The following ABCC11 variants were observed in gnomAD, a reference collection of about 807,000 sequenced individuals.
ABCC11 encodes the protein ATP-binding cassette sub-family C member 11.
In ABCC11, 135 loss-of-function variants were observed where a neutral mutation model predicts 149.3. The observed-to-expected ratio is 0.90, with a 90% CI of 0.79 to 1.04. The LOEUF is 1.04. ABCC11 is among the 50% of genes least tolerant of loss of function. The probability of loss-of-function intolerance (pLI) is 0.00; values close to 1 mark genes in which losing one functional copy is unlikely to be tolerated. For synonymous variants in ABCC11, 665 were observed against 671.4 expected (o/e 0.99, Z 0.15); for missense variants, 1,680 against 1,722.1 (o/e 0.98, Z 0.43).
chr16:48,195,559 T>C (rs1967327138), intron 18 of ABCC11, among the ~76,000 whole-genome samples: 1 of 152,216 alleles, frequency 6.6e-6, no homozygotes, highest in African/African-American at 2.4e-5. Context: ...TCTCTTAAAT[T>C]ACTTGATAAG....
Position 48,177,050 on chromosome 16 carries a change from G to T in ABCC11, c.3412C>A (p.His1138Asn), listed in dbSNP as rs777435399. The change falls in exon 25 of 30, where the codon CAT becomes AAT. Residue 1138 changes from histidine to asparagine, a missense_variant. Coordinates refer to ENST00000356608, the MANE Select transcript of ABCC11 (RefSeq NM_001370497.1). ...GTSCPQGWPQ[H>N]GEIIFQDYHM... ...TAATCCTGAAATATGATTTCCCCAT[G>T]CTGTGGCCACCCCTGGGGACAACTT... 1.9e-6 allele frequency: 3 copies of T among 1,614,072 alleles called. No homozygotes were observed. The East Asian group carries it at 6.7e-5, about 36-fold the overall frequency.
chr16:48,209,012 G>A (rs2150851634), intron 11 of ABCC11, among the ~76,000 whole-genome samples: 1 of 152,276 alleles, frequency 6.6e-6, no homozygotes, highest in Admixed American at 6.5e-5. Flanking sequence ...GGAAGACAGA[G>A]AGACTACATA....
chr16:48,243,956 C>T (rs915229359), intron 1 of ABCC11, among the ~76,000 whole-genome samples: 1 of 151,554 alleles, frequency 6.6e-6, no homozygotes, highest in Non-Finnish European at 1.5e-5. Flanking sequence ...CGCGCCATTG[C>T]ACTCCAGCCT....
intron 11 of ABCC11, chr16:48,209,437 CA>C (rs1388700493): frequency 6.6e-6 from 1 of 152,236 alleles, no homozygotes; most frequent in Non-Finnish European, 1.5e-5. Context: ...CTCAGATCAT[CA>C]GGCAAGATTC....
intron 23 of ABCC11, among the ~76,000 whole-genome samples, chr16:48,179,749 G>A (rs540671954): frequency 5.3e-5 from 8 of 152,354 alleles, no homozygotes; most frequent in African/African-American, 1.9e-4. Flanking sequence ...CACAGGGAAG[G>A]ATTCCAAGAA....
At chr16:48,227,773 A>G in intron 4 of ABCC11, 33 bp downstream of exon 4, 1 of 1,612,688 alleles carries the variant, frequency 6.2e-7, no homozygotes, top group Non-Finnish European at 8.5e-7. Context: ...TTGTCTTTTA[A>G]CCTATCCACT....
Position 48,211,108 on chromosome 16 carries a change from C to G in ABCC11, c.1448G>C (p.Trp483Ser), listed in dbSNP as rs761146571. Residue 483 changes from tryptophan (W) to serine (S), a missense_variant, in exon 11 of 30, where the codon TGG becomes TCG. Physicochemically the swap from Trp to Ser is radical, Grantham distance 177 (BLOSUM62 -3). Transcript: ENST00000356608. Reference sequence around the variant, plus strand: ...GACGATCCCGGGACAGGTCTGTTGCCATGACAAGGTGGCCTCCTCAAAGAC... The same window carrying G: ...GACGATCCCGGGACAGGTCTGTTGCGATGACAAGGTGGCCTCCTCAAAGAC... ...ALVFEEATLS[W>S]QQTCPGIVNG... is the part of the protein sequence containing the mutation. The G allele has an allele frequency of 1.2e-6, 2 of 1,614,096 alleles. No homozygotes were observed. Among genetic ancestry groups the G allele is most frequent in the African/African-American group, 2.7e-5 (2 of 74,928 alleles).
chr16:48,208,595 C>G (rs1437305987), intron 11 of ABCC11, 99 bp from the exon 12 acceptor site: 3 of 1,318,386 alleles, frequency 2.3e-6, no homozygotes, highest in African/African-American at 1.5e-5. Flanking sequence ...AAACAACACA[C>G]AGAAAACAAA....
Position 48,203,250 on chromosome 16 carries a change from A to G in ABCC11, c.1856T>C (p.Leu619Pro), listed in dbSNP as rs547775542. Residue 619 changes from leucine (L) to proline (P), a missense_variant, in exon 14 of 30, where the codon CTG becomes CCG. Leu to Pro is a moderately conservative substitution (Grantham distance 98, BLOSUM62 -3). Transcript: ENST00000356608. ...CACCTCTGTCATGTCTCCAAAGGGC[A>G]GAAGTTCCAGGTCCCGATTCAGGGA... ...CCSLNRDLEL[L>P]PFGDMTEIGE... The G allele has an allele frequency of 1.3e-6, 2 of 1,581,056 alleles. No individual in the cohort carries two copies. The highest frequency in any genetic ancestry group is 2.7e-5 in the African/African-American group (2 of 74,636).
At position 48,166,937 on chromosome 16, in the gene ABCC11, A is replaced by G. The variant is rs1965368145; in HGVS notation, c.*337T>C. Reference sequence around the variant, plus strand: ...AGTTTTCCTTAGTTTTATATTTTACAAAGTCAGTACAGCATTTGCAACACT... The same window carrying G: ...AGTTTTCCTTAGTTTTATATTTTACGAAGTCAGTACAGCATTTGCAACACT... On this transcript the variant is annotated 3_prime_UTR_variant, in exon 30 of 30. Transcript: ENST00000356608. The G allele has an allele frequency of 4.8e-6, 1 of 208,370 alleles. No individual in the cohort carries two copies. Among genetic ancestry groups the G allele is most frequent in the Admixed American group, 5.4e-5 (1 of 18,472 alleles). 12.9% of individuals were successfully genotyped at this position (208,370 alleles called of 1,614,324 possible).
intron 3 of ABCC11, among the ~76,000 whole-genome samples, chr16:48,229,333 T>C (rs1220820501): frequency 6.6e-6 from 1 of 152,022 alleles, no homozygotes; most frequent in East Asian, 1.9e-4. Flanking sequence ...ACAATGTAAC[T>C]AGTATTGACA....
chr16:48,196,862 G>GT (rs1403537740), intron 17 of ABCC11, among the ~76,000 whole-genome samples: 4 of 152,192 alleles, frequency 2.6e-5, no homozygotes, highest in African/African-American at 7.2e-5. Flanking sequence ...GATGATAATT[G>GT]TAACAACAAA....
intron 18 of ABCC11, among the ~76,000 whole-genome samples, chr16:48,194,678 T>C (rs78468957): frequency 0.015 from 2,236 of 152,246 alleles, 70 homozygotes; most frequent in African/African-American, 0.051. Context: ...CTTCCTGGTT[T>C]TTTGTCCCTT....
chr16:48,224,021 A>T (rs1359327691), intron 5 of ABCC11, among the ~76,000 whole-genome samples: 1 of 152,152 alleles, frequency 6.6e-6, no homozygotes, highest in East Asian at 1.9e-4. Context: ...AGAGAATGTG[A>T]CTATATTGCT....
chr16:48,176,796 G>A (rs776529146), intron 25 of ABCC11, 128 bp downstream of exon 25: 10 of 1,134,112 alleles, frequency 8.8e-6, no homozygotes, highest in Non-Finnish European at 1.2e-5. Context: ...CTAGCACAGG[G>A]CCCAGCACAG....
At chr16:48,236,166 A>G (rs1396705546) in intron 1 of ABCC11, among the ~76,000 whole-genome samples, 1 of 152,230 alleles carries the variant, frequency 6.6e-6, no homozygotes, top group Non-Finnish European at 1.5e-5. Flanking sequence ...TAGCTTCAGG[A>G]GGGCATCTTG....
chr16:48,231,980 A>T (rs1970449963), intron 1 of ABCC11, 41 bp from the exon 2 acceptor site: 1 of 1,611,166 alleles, frequency 6.2e-7, no homozygotes, highest in Admixed American at 1.7e-5. Flanking sequence ...AGACAGCAGG[A>T]GTTAGAAGAA....
intron 23 of ABCC11, among the ~76,000 whole-genome samples, chr16:48,181,359 A>C (rs1000177724): frequency 6.6e-5 from 10 of 152,166 alleles, no homozygotes; most frequent in Non-Finnish European, 1.3e-4. Flanking sequence ...CTAAGCCCTA[A>C]GTTTTCTATT....
intron 6 of ABCC11, among the ~76,000 whole-genome samples, chr16:48,221,378 C>T (rs1969725170): frequency 6.6e-6 from 1 of 152,094 alleles, no homozygotes; most frequent in Admixed American, 6.5e-5. Flanking sequence ...CCAGTATCCC[C>T]CACAACTATA....
Sources: allele counts gnomAD v4.1 joint callset (sites outside exome capture counted in the v4.1 genomes callset), GRCh38; gene constraint gnomAD v4.1.1; transcripts MANE v1.5; gene names NCBI Gene and HGNC (gene_info 2026-07-23, HGNC 2026-07-21).